The following ADK variants were observed in gnomAD, a reference collection of about 807,000 sequenced individuals.
ADK encodes adenosine kinase, also known as N6,N6-dimethyladenosine kinase.
A neutral mutation model predicts 44.7 loss-of-function variants in ADK; 24 were observed. The ratio of observed to expected loss-of-function variants is 0.54; its 90% CI spans 0.39 to 0.76. The LOEUF is 0.76. Among genes scored for constraint, ADK ranks in the 30% least tolerant of loss-of-function variants. ADK has a pLI of 0.00. For synonymous variants in ADK, 128 were observed against 142.6 expected (o/e 0.90, Z 0.73); for missense variants, 321 against 425.1 (o/e 0.76, Z 2.15).
At chr10:74,215,330 G>A (rs373060216) in intron 2 of ADK, among the ~76,000 whole-genome samples, 4 of 152,338 alleles carry the variant, frequency 2.6e-5, no homozygotes, top group African/African-American at 9.6e-5. Context: ...TTTCTACTAA[G>A]TTGAAAGTAG....
intron 3 of ADK, among the ~76,000 whole-genome samples, chr10:74,228,682 AT>A (rs1321938247): frequency 2.6e-5 from 4 of 152,202 alleles, no homozygotes; most frequent in Non-Finnish European, 5.9e-5. Flanking sequence ...ATCTGCAGTT[AT>A]TGAAAATAGA....
chr10:74,572,673 C>T (rs1227296486), intron 7 of ADK, among the ~76,000 whole-genome samples: 1 of 152,188 alleles, frequency 6.6e-6, no homozygotes, highest in Non-Finnish European at 1.5e-5. Context: ...TTCACTTAGT[C>T]CCATATTTCT....
At chr10:74,297,963 G>A (rs1427793416) in intron 3 of ADK, among the ~76,000 whole-genome samples, 1 of 152,066 alleles carries the variant, frequency 6.6e-6, no homozygotes, top group Non-Finnish European at 1.5e-5. Flanking sequence ...CATATGTATT[G>A]CTGTGCTATA....
intron 10 of ADK, among the ~76,000 whole-genome samples, chr10:74,700,264 C>G (rs2134300367): frequency 6.6e-6 from 1 of 152,142 alleles, no homozygotes; most frequent in Admixed American, 6.5e-5. Context: ...TCTCTGACTA[C>G]AGGAGTCTCG....
At chr10:74,418,283 C>T (rs1269773287) in intron 6 of ADK, among the ~76,000 whole-genome samples, 1 of 152,170 alleles carries the variant, frequency 6.6e-6, no homozygotes, top group Non-Finnish European at 1.5e-5. Flanking sequence ...TTTCCCCCAA[C>T]ACAGCTTTTA....
chr10:74,488,579 G>C (rs893547107), intron 6 of ADK, among the ~76,000 whole-genome samples: 3 of 150,296 alleles, frequency 2.0e-5, no homozygotes, highest in Admixed American at 6.7e-5. Flanking sequence ...ACTTTTTATA[G>C]CTTTTGTGAG....
intron 6 of ADK, among the ~76,000 whole-genome samples, chr10:74,474,176 G>A (rs1846721261): frequency 1.3e-5 from 2 of 152,148 alleles, no homozygotes; most frequent in South Asian, 4.1e-4. Context: ...GAGTGCAGTG[G>A]TGTGATCGTG....
chr10:74,397,197 C>G (rs1313994104), intron 5 of ADK, among the ~76,000 whole-genome samples: 6 of 151,726 alleles, frequency 4.0e-5, no homozygotes, highest in Non-Finnish European at 7.4e-5. Context: ...TATGTTGATG[C>G]ATATTACTCT....
At chr10:74,329,624 T>C (rs929680191) in intron 4 of ADK, among the ~76,000 whole-genome samples, 3 of 152,190 alleles carry the variant, frequency 2.0e-5, no homozygotes, top group African/African-American at 7.2e-5. Flanking sequence ...AGGTGACCAC[T>C]GGGAAACTAT....
intron 6 of ADK, among the ~76,000 whole-genome samples, chr10:74,508,165 AAAG>A (rs1465662519): frequency 2.0e-5 from 3 of 152,110 alleles, no homozygotes; most frequent in Admixed American, 6.5e-5. Flanking sequence ...TTTACTAGGA[AAAG>A]AAGAGTGATT....
intron 3 of ADK, among the ~76,000 whole-genome samples, chr10:74,302,762 C>T (rs1840103081): frequency 6.6e-6 from 1 of 152,124 alleles, no homozygotes; most frequent in Admixed American, 6.5e-5. Flanking sequence ...TGCCACTGCA[C>T]TCCAGCCTCC....
At position 74,287,889 on chromosome 10, in the gene ADK, G is replaced by A. The variant is rs181565546; in HGVS notation, c.195-26778G>A. Among the ~76,000 whole-genome samples the A allele has an allele frequency of 6.7e-4, 101 of 151,062 alleles. 1 individual carries two copies. The highest frequency in any genetic ancestry group is 2.4e-3 in the African/African-American group (98 of 41,070). On this transcript the variant is annotated intron_variant, in intron 3 of 10. Coordinates refer to ENST00000539909, the MANE Select transcript of ADK (RefSeq NM_006721.4). ...CCCAGCTACTCAGGAAGCTATAGTG[G>A]GAGGATCACTTGAGCCCGGGAGGTT...
At chr10:74,380,314 CAAAAT>C in intron 4 of ADK, among the ~76,000 whole-genome samples, 1 of 152,026 alleles carries the variant, frequency 6.6e-6, no homozygotes, top group Non-Finnish European at 1.5e-5. Context: ...AATGAACAAA[CAAAAT>C]AAATCATTAT....
At chr10:74,456,679 A>C (rs1845959478) in intron 6 of ADK, among the ~76,000 whole-genome samples, 1 of 150,928 alleles carries the variant, frequency 6.6e-6, no homozygotes, top group African/African-American at 2.4e-5. Context: ...AAAAAAAAAA[A>C]AAAAAAAAAA....
intron 4 of ADK, among the ~76,000 whole-genome samples, chr10:74,316,892 CT>C (rs3037395): frequency 0.65 from 97,612 of 151,186 alleles, 32,730 homozygotes; most frequent in Middle Eastern, 0.79. Context: ...TTCTTTTGCA[CT>C]TTTTTTTTTA....
At chr10:74,364,772 G>A (rs1336694593) in intron 4 of ADK, among the ~76,000 whole-genome samples, 1 of 147,452 alleles carries the variant, frequency 6.8e-6, no homozygotes, top group Admixed American at 6.8e-5. Flanking sequence ...GAATTCCAAT[G>A]GATTCTAACA....
At chr10:74,338,348 A>C (rs1396311452) in intron 4 of ADK, among the ~76,000 whole-genome samples, 7 of 152,186 alleles carry the variant, frequency 4.6e-5, no homozygotes, top group African/African-American at 1.7e-4. Context: ...ACTCTGGAAA[A>C]CAGTTTGGCA....
At chr10:74,388,963 G>A (rs1397378255) in intron 4 of ADK, among the ~76,000 whole-genome samples, 5 of 152,100 alleles carry the variant, frequency 3.3e-5, no homozygotes, top group African/African-American at 4.8e-5. Flanking sequence ...CCTCTCCATG[G>A]TGTGGAACTT....
chr10:74,569,988 T>A (rs1456930306), intron 7 of ADK, among the ~76,000 whole-genome samples: 28 of 152,088 alleles, frequency 1.8e-4, no homozygotes, highest in African/African-American at 5.8e-4. Context: ...AGCTTTCTAC[T>A]TATGGCTAGC....
Sources: gnomAD v4.1 joint callset for allele counts (sites outside exome capture counted in the v4.1 genomes callset) on GRCh38, gnomAD v4.1.1 for gene constraint, MANE v1.5 for transcripts, NCBI Gene and HGNC (gene_info 2026-07-23, HGNC 2026-07-21) for gene names.